Variants in RBM47 observed in about 807,000 individuals in gnomAD.
RBM47 encodes RNA binding motif protein 47.
Under a neutral mutation model 47.1 loss-of-function variants are expected in RBM47, and 21 were observed. That is an observed-to-expected ratio of 0.45 (90% confidence interval 0.32 to 0.64). The LOEUF is 0.64. Ranked by LOEUF, RBM47 falls within the 30% of genes least tolerant of loss-of-function variation. The pLI is 0.05. For missense variants in RBM47, 708 were observed against 870.9 expected, an observed-to-expected ratio of 0.81 and a Z score of 2.35; for synonymous variants, 375 against 361.7, an observed-to-expected ratio of 1.04 and a Z score of -0.42.
intron 2 of RBM47, among the ~76,000 whole-genome samples, chr4:40,513,101 T>A (rs1333718106): frequency 6.6e-6 from 1 of 152,222 alleles, no homozygotes; most frequent in Non-Finnish European, 1.5e-5. Context: ...TTAGATTTCT[T>A]CCTATTTGCC....
chr4:40,434,226 T>C (rs62302025), intron 5 of RBM47, among the ~76,000 whole-genome samples: 13,944 of 152,158 alleles, frequency 0.092, 799 homozygotes, highest in Non-Finnish European at 0.14. Context: ...ATCAAATCTT[T>C]TACCTGCCTT....
chr4:40,467,295 CTT>C (rs969519569), intron 2 of RBM47, among the ~76,000 whole-genome samples: 2 of 145,328 alleles, frequency 1.4e-5, no homozygotes, highest in African/African-American at 5.0e-5. Flanking sequence ...AGGTAAGACT[CTT>C]TTTTTTTTTT....
In RBM47 at chr4:40,432,722, C is replaced by T; in HGVS notation, c.1471G>A (p.Ala491Thr). 6.2e-7 allele frequency: 1 copy of T among 1,611,850 alleles called. No homozygotes were observed. Residue 491 changes from alanine to threonine, a missense_variant, in exon 6 of 7, where the codon GCC becomes ACC. Physicochemically the swap from Ala to Thr is moderately conservative, Grantham distance 58 (BLOSUM62 0). Transcript: ENST00000295971. Reference sequence around the variant, plus strand: ...GCGGCTGCGGCCGCGGCTGCGGCGGCAGCAGCACTGGCTGGGTCTGGCTGC... The same window carrying T: ...GCGGCTGCGGCCGCGGCTGCGGCGGTAGCAGCACTGGCTGGGTCTGGCTGC... ...AVQPDPASAAAAAAAAAAAAA... is the reference protein window; with the variant it reads ...AVQPDPASAATAAAAAAAAAA...
At chr4:40,534,936 G>GA (rs368062797) in intron 2 of RBM47, among the ~76,000 whole-genome samples, 12,356 of 96,736 alleles carry the variant, frequency 0.13, 1,147 homozygotes, top group African/African-American at 0.32. Flanking sequence ...CTCCGTCTCA[G>GA]AAAAAAAAAA....
intron 6 of RBM47, 105 bp downstream of exon 6, chr4:40,432,546 C>T (rs1004571061): frequency 3.2e-6 from 5 of 1,546,130 alleles, no homozygotes; most frequent in Non-Finnish European, 4.3e-6. Flanking sequence ...ATAGCTGTAA[C>T]AGAGAGCCAG....
At chr4:40,497,214 T>C (rs1030434433) in intron 2 of RBM47, among the ~76,000 whole-genome samples, 2 of 152,102 alleles carry the variant, frequency 1.3e-5, no homozygotes, top group Non-Finnish European at 2.9e-5. Flanking sequence ...CTCACTTCGG[T>C]GTGTCTTTAC....
intron 2 of RBM47, among the ~76,000 whole-genome samples, chr4:40,532,352 C>A (rs1323114788): frequency 8.5e-6 from 1 of 116,976 alleles, no homozygotes; most frequent in Non-Finnish European, 1.7e-5. Flanking sequence ...CTTGCTCTGT[C>A]ACCAGGTTGG....
intron 1 of RBM47, among the ~76,000 whole-genome samples, chr4:40,607,653 G>A (rs542098909): frequency 1.1e-4 from 17 of 152,274 alleles, no homozygotes; most frequent in Admixed American, 3.9e-4. Flanking sequence ...GCTGCAGAGA[G>A]CTGCGGTCAC....
intron 2 of RBM47, among the ~76,000 whole-genome samples, chr4:40,526,574 T>G (rs2154258089): frequency 6.6e-6 from 1 of 151,862 alleles, no homozygotes; most frequent in East Asian, 1.9e-4. Flanking sequence ...GTTTTTGGGG[T>G]TTTTGTTTTT....
intron 1 of RBM47, among the ~76,000 whole-genome samples, chr4:40,608,508 C>T (rs1027537330): frequency 2.0e-4 from 30 of 152,246 alleles, no homozygotes; most frequent in African/African-American, 7.2e-4. Context: ...AAAGAAACAA[C>T]TGCCTCTGCT....
chr4:40,480,134 T>G (rs1366040674), intron 2 of RBM47, among the ~76,000 whole-genome samples: 2 of 152,028 alleles, frequency 1.3e-5, no homozygotes, highest in African/African-American at 4.8e-5. Context: ...TCCGCCACCA[T>G]GCCTGACTAA....
chr4:40,444,347 G>A (rs1011313090), intron 3 of RBM47, among the ~76,000 whole-genome samples: 1 of 152,036 alleles, frequency 6.6e-6, no homozygotes, highest in African/African-American at 2.4e-5. Flanking sequence ...GCATTGGCAA[G>A]CTATGGCTGT....
At chr4:40,433,950 C>A (rs1404196094) in intron 5 of RBM47, among the ~76,000 whole-genome samples, 1 of 132,018 alleles carries the variant, frequency 7.6e-6, no homozygotes, top group African/African-American at 2.8e-5. Context: ...AAGAAGAGAT[C>A]AAAAGGAAAA....
At chr4:40,570,137 G>A (rs973233497) in intron 1 of RBM47, among the ~76,000 whole-genome samples, 4 of 152,022 alleles carry the variant, frequency 2.6e-5, no homozygotes, top group Non-Finnish European at 5.9e-5. Flanking sequence ...CGGTTTCATG[G>A]AAGACAATTT....
At chr4:40,537,620 A>G (rs1471374670) in intron 2 of RBM47, among the ~76,000 whole-genome samples, 1 of 152,160 alleles carries the variant, frequency 6.6e-6, no homozygotes, top group Non-Finnish European at 1.5e-5. Flanking sequence ...TGATTTTAAA[A>G]GGGCAAATCA....
At chr4:40,451,424 A>G (rs1407750776) in intron 3 of RBM47, among the ~76,000 whole-genome samples, 1 of 152,158 alleles carries the variant, frequency 6.6e-6, no homozygotes, top group African/African-American at 2.4e-5. Context: ...TAGAAACATC[A>G]CTGCCGAAAT....
chr4:40,599,146 T>C (rs1050961416), intron 1 of RBM47, among the ~76,000 whole-genome samples: 3 of 150,456 alleles, frequency 2.0e-5, no homozygotes, highest in African/African-American at 7.4e-5. Flanking sequence ...TAATCCCAGC[T>C]ACATAGGAGG....
intron 2 of RBM47, among the ~76,000 whole-genome samples, chr4:40,539,650 G>A (rs1247685488): frequency 1.4e-5 from 2 of 143,132 alleles, no homozygotes; most frequent in African/African-American, 5.1e-5. Flanking sequence ...TGAGGCAGGA[G>A]AATCACTTGA....
At chr4:40,427,505 G>A (rs1379224869) in intron 6 of RBM47, 2 of 152,158 alleles carry the variant, frequency 1.3e-5, no homozygotes, top group Non-Finnish European at 2.9e-5. Flanking sequence ...TTCCCAAAGT[G>A]TTTGCCATGG....
Sources: gnomAD v4.1 joint callset for allele counts (sites outside exome capture counted in the v4.1 genomes callset) on GRCh38, gnomAD v4.1.1 for gene constraint, MANE v1.5 for transcripts, NCBI Gene and HGNC (gene_info 2026-07-23, HGNC 2026-07-21) for gene names.